PPFIA4: variants seen among roughly 807,000 people sequenced by gnomAD.
PPFIA4 encodes the protein liprin-alpha-4.
A neutral mutation model predicts 145.7 loss-of-function variants in PPFIA4; 98 were observed. That is an observed-to-expected ratio of 0.67 (90% CI 0.57 to 0.80). The LOEUF is 0.80. Ranked by LOEUF, PPFIA4 falls within the 30% of genes least tolerant of loss-of-function variation. The pLI, the probability that PPFIA4 is intolerant of heterozygous loss-of-function variation, is 0.00. For missense variants in PPFIA4, 1,457 were observed against 1,632.7 expected, an observed-to-expected ratio of 0.89 and a Z score of 1.85; for synonymous variants, 628 against 649.6, an observed-to-expected ratio of 0.97 and a Z score of 0.51.
At position 203,039,530 on chromosome 1, in the gene PPFIA4, ACCT is replaced by A. The variant is rs370394752; in HGVS notation, c.234+294_234+296del. Among the ~76,000 whole-genome samples the A allele has an allele frequency of 1.1e-3, 169 of 151,968 alleles. 3 individuals are homozygous for A. The highest frequency in any genetic ancestry group is 5.1e-3 in the Admixed American group (78 of 15,262). On this transcript the variant is annotated intron_variant, in intron 2 of 29. Coordinates refer to ENST00000295706, the MANE Select transcript of PPFIA4 (RefSeq NM_001304331.2). ...AGGTGGCACCCTAGACTGGAAAGAA[ACCT>A]CCTCCCTGCGTACTCCTCTCCAGTG...
intron 2 of PPFIA4, among the ~76,000 whole-genome samples, chr1:203,041,822 G>C (rs751030374): frequency 6.6e-6 from 1 of 152,194 alleles, no homozygotes; most frequent in Non-Finnish European, 1.5e-5. Flanking sequence ...GTACATGACT[G>C]TGTGTGCCTG....
At chr1:203,059,694 G>A in intron 20 of PPFIA4, 76 bp from the exon 21 acceptor site, 7 of 1,272,564 alleles carry the variant, frequency 5.5e-6, no homozygotes, top group Non-Finnish European at 7.9e-6. Flanking sequence ...CTCTTGCACA[G>A]CCCAGTGGTC....
chr1:203,031,174 C>T (rs1034471876), intron 1 of PPFIA4, among the ~76,000 whole-genome samples: 7 of 152,292 alleles, frequency 4.6e-5, no homozygotes, highest in Admixed American at 4.6e-4. Flanking sequence ...CCTCCCACCT[C>T]AGTCTCCCGA....
Position 203,064,055 on chromosome 1 carries a change from C to G in PPFIA4, c.3050+52C>G, listed in dbSNP as rs1661572367. On this transcript the variant is annotated intron_variant, in intron 25 of 29. Coordinates refer to ENST00000295706, the MANE Select transcript of PPFIA4 (RefSeq NM_001304331.2). ...CCTCCCTCGTGGGGGCCTCCCCTAG[C>G]TCTGAGGGTCTGCCTCCAGGAACAG... 8.3e-6 allele frequency: 13 copies of G among 1,569,508 alleles called. No individual in the cohort carries two copies. The South Asian group carries it at 1.5e-4, about 18-fold the overall frequency.
intron 1 of PPFIA4, among the ~76,000 whole-genome samples, chr1:203,032,607 A>ATTTT (rs144372683): frequency 8.3e-6 from 1 of 121,154 alleles, no homozygotes; most frequent in Admixed American, 8.5e-5. Context: ...CCCAGCTAAC[A>ATTTT]TTTTTTTTTT....
chr1:203,072,675 A>G (rs80229320), intron 28 of PPFIA4, among the ~76,000 whole-genome samples: 2,477 of 152,226 alleles, frequency 0.016, 67 homozygotes, highest in African/African-American at 0.057. Flanking sequence ...TCTTCAGTCC[A>G]ATCACTGTTT....
At chr1:203,071,178 T>G (rs1662130595) in intron 27 of PPFIA4, among the ~76,000 whole-genome samples, 1 of 149,912 alleles carries the variant, frequency 6.7e-6, no homozygotes, top group Admixed American at 6.6e-5. Context: ...CTATTTTTTT[T>G]TTTTTTTTTG....
chr1:203,067,687 G>A lies in PPFIA4; in HGVS notation c.3051-8G>A, dbSNP rs1661829400. 6.2e-7 allele frequency: 1 copy of A among 1,613,336 alleles called. No individual in the cohort carries two copies. Among genetic ancestry groups the A allele is most frequent in the Admixed American group, 1.7e-5 (1 of 59,990 alleles). The stretch of plus-strand genomic sequence containing the variant: ...TGAGGCTCTGGCTTGGGGGCTGTGT[G>A]CCTGCAGAACCAGTCTTCAGTATGG... On this transcript the variant is annotated splice_polypyrimidine_tract_variant and splice_region_variant and intron_variant, in intron 25 of 29. Coordinates refer to ENST00000295706, the MANE Select transcript of PPFIA4 (RefSeq NM_001304331.2).
intron 1 of PPFIA4, among the ~76,000 whole-genome samples, chr1:203,030,208 T>A (rs1413069469): frequency 1.3e-5 from 2 of 151,986 alleles, no homozygotes; most frequent in Non-Finnish European, 2.9e-5. Flanking sequence ...GCCAGGGATG[T>A]TGTGAAAGGA....
intron 6 of PPFIA4, among the ~76,000 whole-genome samples, 187 bp downstream of exon 6, chr1:203,044,972 A>C (rs986996923): frequency 6.6e-6 from 1 of 152,100 alleles, no homozygotes; most frequent in Non-Finnish European, 1.5e-5. Flanking sequence ...TTTTTATTTT[A>C]GTGCCCAACA....
rs1407805702 is a variant in PPFIA4 at position 203,076,398 on chromosome 1, C to T, written c.*8C>T. The T allele has an allele frequency of 6.2e-7, 1 of 1,607,804 alleles. No individual in the cohort carries two copies. Among genetic ancestry groups the T allele is most frequent in the East Asian group, 2.2e-5 (1 of 44,872 alleles). The stretch of plus-strand genomic sequence containing the variant: ...TCCGCCTTCCGGGACTAGCCATGGC[C>T]CCCAGGGCTGGCTTCCTCCTTCTGG... On this transcript the variant is annotated 3_prime_UTR_variant, in exon 30 of 30. Coordinates refer to ENST00000295706, the MANE Select transcript of PPFIA4 (RefSeq NM_001304331.2).
At chr1:203,031,930 A>G (rs1312287540) in intron 1 of PPFIA4, among the ~76,000 whole-genome samples, 3 of 152,126 alleles carry the variant, frequency 2.0e-5, no homozygotes, top group Non-Finnish European at 2.9e-5. Flanking sequence ...TAGTAACTAT[A>G]TGATCTCTAT....
At chr1:203,062,130 A>G (rs1260099050) in intron 24 of PPFIA4, among the ~76,000 whole-genome samples, 3 of 152,136 alleles carry the variant, frequency 2.0e-5, no homozygotes, top group Non-Finnish European at 4.4e-5. Flanking sequence ...TCATGGAGGC[A>G]GTAAACAAAT....
Position 203,075,250 on chromosome 1 carries a change from G to A in PPFIA4, c.3394-327G>A, listed in dbSNP as rs1662437466. Among the ~76,000 whole-genome samples the A allele has an allele frequency of 6.6e-6, 1 of 152,070 alleles. No homozygotes were observed. On this transcript the variant is annotated intron_variant, in intron 28 of 29. Coordinates refer to ENST00000295706, the MANE Select transcript of PPFIA4 (RefSeq NM_001304331.2). This position sits in a 1 kb window ranked among gnomAD's most constrained non-coding sequence, Gnocchi z 4.1. Reference sequence around the variant, plus strand: ...AGAGGAATGCCTTGAAAGGTGAATGGTCATGCCAAGCCTACTTTGAGAAGA... The same window carrying A: ...AGAGGAATGCCTTGAAAGGTGAATGATCATGCCAAGCCTACTTTGAGAAGA...
At position 203,075,597 on chromosome 1, in the gene PPFIA4, C is replaced by A. The variant is rs1227608380; in HGVS notation, c.3414C>A (p.Arg1138=). 3 of 1,463,136 alleles carry A rather than the reference C, an allele frequency of 2.1e-6. No individual in the cohort carries two copies. Among genetic ancestry groups the A allele is most frequent in the Non-Finnish European group, 2.7e-6 (3 of 1,104,708 alleles). The allele number at this position is 1,463,136 out of a possible 1,614,324, so 90.6% of individuals were successfully genotyped here. A position where few individuals can be genotyped will look rare whatever the true frequency, so the allele number is the denominator to read the frequency against. ...TGCAGGGGGATGACAAGGTGTTTCG[C>A]CGCGCGCCCTCCTGGAGGAAGCGCT... The part of the protein sequence containing the change: ...KLDDGDDKVF[R]RAPSWRKRFR... The change falls in exon 29 of 30, where the codon CGC becomes CGA. Residue 1138 remains arginine, a synonymous_variant. Transcript: ENST00000295706. This position sits in a 1 kb window ranked among gnomAD's most constrained non-coding sequence, Gnocchi z 4.1.
intron 24 of PPFIA4, chr1:203,063,509 C>A (rs1661532050): frequency 3.4e-6 from 1 of 293,090 alleles, no homozygotes; most frequent in Non-Finnish European, 6.5e-6. Context: ...CTGCACAATA[C>A]CGCAAATGCA....
Position 203,060,996 on chromosome 1 carries a change from T to C in PPFIA4, c.2811T>C (p.His937=). The change falls in exon 23 of 30, where the codon CAT becomes CAC. Residue 937 remains histidine, a synonymous_variant. Transcript: ENST00000295706. This position sits in a 1 kb window ranked among gnomAD's most constrained non-coding sequence, Gnocchi z 4.8. ...CTTCTGGGAATGTCTGGGTCACCCATGAAGAGATGGAAACTCTGGAAACAT... is the reference window on the plus strand; with the variant it reads ...CTTCTGGGAATGTCTGGGTCACCCACGAAGAGATGGAAACTCTGGAAACAT... ...RTSSGNVWVT[H]EEMETLETST... is the part of the protein sequence containing the mutation. 6.2e-7 allele frequency: 1 copy of C among 1,613,970 alleles called. No homozygotes were observed.
In PPFIA4 at chr1:203,048,706, GAGGA is replaced by G. The variant is rs1354926962; in HGVS notation, c.1349_1352del (p.Glu450GlyfsTer5). 6.2e-7 allele frequency: 1 copy of G among 1,611,328 alleles called. No homozygotes were observed. The highest frequency in any genetic ancestry group is 8.5e-7 in the Non-Finnish European group (1 of 1,179,452). The stretch of plus-strand genomic sequence containing the variant: ...CCTGAAGGAGCGCATGGCTGCCCTG[GAGGA>G]GAAGGTGCCCAGAGGGGCGGGGTTG... On this transcript the variant is annotated frameshift_variant, in exon 11 of 30. Transcript: ENST00000295706. LOFTEE classifies it high-confidence loss of function. The surrounding 1 kb of genome is among the most constrained non-coding windows in gnomAD (Gnocchi z 5.8).
rs1046128511 is a variant in PPFIA4, at chr1:203,055,055, A to G, written c.1830-377A>G. Among the ~76,000 whole-genome samples, 7 of 152,342 alleles carry G rather than the reference A, an allele frequency of 4.6e-5. No homozygotes were observed. The highest frequency in any genetic ancestry group is 1.7e-4 in the African/African-American group (7 of 41,582). ...ACCCCACCAGGGGTCAGCATCATTT[A>G]AAAGTCCTACACTTGGAAACTGCTG... On this transcript the variant is annotated intron_variant, in intron 15 of 29. Coordinates refer to ENST00000295706, the MANE Select transcript of PPFIA4 (RefSeq NM_001304331.2). The surrounding 1 kb of genome is among the most constrained non-coding windows in gnomAD (Gnocchi z 4.8).
Sources: allele counts gnomAD v4.1 joint callset (sites outside exome capture counted in the v4.1 genomes callset), GRCh38; gene constraint gnomAD v4.1.1; non-coding constraint Gnocchi (gnomAD v3.1); transcripts MANE v1.5; gene names NCBI Gene and HGNC (gene_info 2026-07-23, HGNC 2026-07-21).